Variants in BRINP3 observed in about 807,000 individuals in gnomAD.
The protein encoded by BRINP3 is BMP/retinoic acid-inducible neural-specific protein 3.
A neutral mutation model predicts 71.0 loss-of-function variants in BRINP3; 19 were observed. That is an observed-to-expected ratio of 0.27 (90% CI 0.19 to 0.39). The LOEUF (loss-of-function observed/expected upper bound fraction) is 0.39. Among genes scored for constraint, BRINP3 ranks in the 10% least tolerant of loss-of-function variants. The probability of loss-of-function intolerance (pLI) is 1.00; values close to 1 mark genes in which losing one functional copy is unlikely to be tolerated. For synonymous variants in BRINP3, 380 were observed against 337.7 expected (o/e 1.13, Z -1.37); for missense variants, 959 against 940.8 (o/e 1.02, Z -0.25).
intron 2 of BRINP3, among the ~76,000 whole-genome samples, chr1:190,340,328 G>A (rs1481980175): frequency 2.6e-5 from 4 of 151,822 alleles, no homozygotes; most frequent in Non-Finnish European, 5.9e-5. Flanking sequence ...GTCTTTATTT[G>A]AGCTGCTCAT....
chr1:190,307,051 G>A (rs975087665), intron 2 of BRINP3, among the ~76,000 whole-genome samples: 1 of 151,680 alleles, frequency 6.6e-6, no homozygotes, highest in Non-Finnish European at 1.5e-5. Flanking sequence ...TGTCTACTGA[G>A]TGCAAAATAC....
chr1:190,310,921 A>G (rs992208204), intron 2 of BRINP3, among the ~76,000 whole-genome samples: 1 of 151,810 alleles, frequency 6.6e-6, no homozygotes, highest in African/African-American at 2.4e-5. Flanking sequence ...CAAAAACAAT[A>G]TAATTCAAGT....
At chr1:190,434,521 G>C (rs1572035835) in intron 2 of BRINP3, among the ~76,000 whole-genome samples, 1 of 151,884 alleles carries the variant, frequency 6.6e-6, no homozygotes, top group Non-Finnish European at 1.5e-5. Flanking sequence ...ATCCCAAAGA[G>C]CTTCTGTCTA....
Position 190,099,079 on chromosome 1 carries a change from C to G in BRINP3, c.1240G>C (p.Gly414Arg), listed in dbSNP as rs769108806. 4.3e-6 allele frequency: 7 copies of G among 1,614,008 alleles called. No individual in the cohort carries two copies. The East Asian group carries it at 1.6e-4, about 36-fold the overall frequency. ...IQSFLYCNEN[G>R]LLGSFSEETH... The stretch of plus-strand genomic sequence containing the variant: ...TCTTCTGAAAAGCTGCCTAGGAGGC[C>G]GTTCTCATTGCAGTAGAGAAAAGAC... The change falls in exon 8 of 8, where the codon GGC becomes CGC. Residue 414 changes from glycine (G) to arginine (R), a missense_variant. Coordinates refer to ENST00000367462, the MANE Select transcript of BRINP3 (RefSeq NM_199051.3).
chr1:190,407,673 A>G (rs1401565952), intron 2 of BRINP3, among the ~76,000 whole-genome samples: 1 of 152,154 alleles, frequency 6.6e-6, no homozygotes, highest in Non-Finnish European at 1.5e-5. Context: ...CATTAACTTA[A>G]CCTCTTAATA....
chr1:190,207,766 G>T (rs1655639542), intron 6 of BRINP3, among the ~76,000 whole-genome samples: 1 of 152,052 alleles, frequency 6.6e-6, no homozygotes, highest in African/African-American at 2.4e-5. Flanking sequence ...TAATGATAAT[G>T]AACAAATTGA....
At chr1:190,105,893 A>C (rs1652116618) in intron 7 of BRINP3, among the ~76,000 whole-genome samples, 1 of 152,042 alleles carries the variant, frequency 6.6e-6, no homozygotes, top group Admixed American at 6.6e-5. Flanking sequence ...TCACACAAAG[A>C]TAAACACAAT....
chr1:190,154,098 T>G (rs1656657606), intron 7 of BRINP3: 1 of 956,424 alleles, frequency 1.0e-6, no homozygotes, highest in Non-Finnish European at 1.2e-6. Context: ...AGTCATCACA[T>G]TTTCATCTTA....
intron 2 of BRINP3, among the ~76,000 whole-genome samples, chr1:190,361,023 G>A (rs1490940224): frequency 6.6e-6 from 1 of 151,988 alleles, no homozygotes; most frequent in Non-Finnish European, 1.5e-5. Context: ...ATATTTCAAG[G>A]ATGAGAAAAT....
intron 6 of BRINP3, among the ~76,000 whole-genome samples, chr1:190,218,389 C>G (rs947192592): frequency 6.6e-6 from 1 of 151,872 alleles, no homozygotes; most frequent in Non-Finnish European, 1.5e-5. Flanking sequence ...TTATACAATT[C>G]CATTGTGTAA....
chr1:190,348,911 C>T (rs542127097), intron 2 of BRINP3, among the ~76,000 whole-genome samples: 16 of 152,084 alleles, frequency 1.1e-4, no homozygotes, highest in African/African-American at 3.4e-4. Flanking sequence ...TATAACACAA[C>T]GCAACTTGTT....
chr1:190,282,250 T>G lies in BRINP3; in HGVS notation c.237-500A>C, dbSNP rs1232154785. 2.0e-5 allele frequency among the ~76,000 whole-genome samples: 3 copies of G among 147,820 alleles called. No individual in the cohort carries two copies. In the East Asian group the frequency reaches 5.9e-4, roughly 29 times the overall value. ...ACAAAAAAGAAATCAGTTTTCTTCT[T>G]TTTTTTTTTAATAATCATGGTTTAC... On this transcript the variant is annotated intron_variant, in intron 2 of 7. Transcript: ENST00000367462.
intron 4 of BRINP3, among the ~76,000 whole-genome samples, chr1:190,243,116 A>T (rs1659266375): frequency 6.6e-6 from 1 of 152,132 alleles, no homozygotes; most frequent in Admixed American, 6.6e-5. Flanking sequence ...ATAAAACTAC[A>T]CAGTGACTAG....
intron 7 of BRINP3, among the ~76,000 whole-genome samples, chr1:190,114,743 T>C (rs993469500): frequency 3.3e-5 from 5 of 152,046 alleles, no homozygotes; most frequent in Admixed American, 2.0e-4. Flanking sequence ...CTCTCTAAGC[T>C]CACCTGGATT....
chr1:190,176,717 T>TTTA lies in BRINP3; in HGVS notation c.962-15828_962-15827insTAA, dbSNP rs1436274328. On this transcript the variant is annotated intron_variant, in intron 6 of 7. Transcript: ENST00000367462. ...TTCTCTTAAACCTGAAGGGACGGGC[T>TTTA]ACGTTAAAGCTGTCAAGGTTTTAAA... Among the ~76,000 whole-genome samples the TTTA allele has an allele frequency of 2.0e-5, 3 of 152,160 alleles. No individual in the cohort carries two copies. In the East Asian group the frequency reaches 5.8e-4, roughly 29 times the overall value.
chr1:190,184,845 A>C (rs1653370414), intron 6 of BRINP3, among the ~76,000 whole-genome samples: 1 of 152,112 alleles, frequency 6.6e-6, no homozygotes, highest in Non-Finnish European at 1.5e-5. Context: ...ATCAAGCAAT[A>C]CACCCATGCA....
chr1:190,462,533 G>T (rs1676464672), intron 1 of BRINP3, among the ~76,000 whole-genome samples: 1 of 152,022 alleles, frequency 6.6e-6, no homozygotes, highest in Non-Finnish European at 1.5e-5. Flanking sequence ...CATATACTAG[G>T]ATTATTTTGA....
intron 2 of BRINP3, among the ~76,000 whole-genome samples, chr1:190,391,977 T>G (rs926557155): frequency 2.6e-5 from 4 of 151,726 alleles, no homozygotes; most frequent in African/African-American, 9.7e-5. Context: ...AACCCTAATT[T>G]TTGATGCTTT....
At chr1:190,369,492 C>A (rs1419926298) in intron 2 of BRINP3, among the ~76,000 whole-genome samples, 1 of 151,898 alleles carries the variant, frequency 6.6e-6, no homozygotes, top group Non-Finnish European at 1.5e-5. Flanking sequence ...TTAGAAAAAT[C>A]TTTCATAAAT....
Sources: allele counts gnomAD v4.1 joint callset (sites outside exome capture counted in the v4.1 genomes callset), GRCh38; gene constraint gnomAD v4.1.1; transcripts MANE v1.5; gene names NCBI Gene and HGNC (gene_info 2026-07-23, HGNC 2026-07-21).